Variants in DCC observed in about 807,000 individuals in gnomAD.
The protein encoded by DCC is netrin receptor DCC.
Under a neutral mutation model 172.5 loss-of-function variants are expected in DCC, and 58 were observed. The ratio of observed to expected loss-of-function variants is 0.34; its 90% CI spans 0.27 to 0.42. The LOEUF is 0.42. Among genes scored for constraint, DCC ranks in the 10% least tolerant of loss-of-function variants. The pLI, the probability that DCC is intolerant of heterozygous loss-of-function variation, is 1.00. For missense variants in DCC, 1,740 were observed against 1,791.0 expected (o/e 0.97, Z 0.51); for synonymous variants, 709 against 644.5 (o/e 1.10, Z -1.52).
intron 22 of DCC, among the ~76,000 whole-genome samples, chr18:53,441,554 C>A (rs905497783): frequency 6.6e-6 from 1 of 152,170 alleles, no homozygotes; most frequent in East Asian, 1.9e-4. Flanking sequence ...TCCCTCATCT[C>A]AAGACATGAG....
At chr18:53,212,770 A>G (rs1044194299) in intron 11 of DCC, among the ~76,000 whole-genome samples, 1 of 151,824 alleles carries the variant, frequency 6.6e-6, no homozygotes, top group Non-Finnish European at 1.5e-5. Context: ...TCCCAGGTTC[A>G]AGTGATTCTC....
intron 17 of DCC, among the ~76,000 whole-genome samples, chr18:53,393,672 A>T (rs994903374): frequency 3.9e-5 from 6 of 152,236 alleles, no homozygotes; most frequent in Non-Finnish European, 7.3e-5. Context: ...CGACTTTGCC[A>T]GAATGTGAAA....
At chr18:52,362,782 C>CG (rs952207396) in intron 1 of DCC, among the ~76,000 whole-genome samples, 3 of 137,182 alleles carry the variant, frequency 2.2e-5, no homozygotes, top group African/African-American at 1.0e-4. Context: ...TTCTTTTAGC[C>CG]CCCCCCACTC....
intron 2 of DCC, among the ~76,000 whole-genome samples, chr18:52,782,386 A>G (rs945619433): frequency 2.6e-5 from 4 of 152,124 alleles, no homozygotes; most frequent in African/African-American, 7.2e-5. Flanking sequence ...TATAATAATA[A>G]GTATTTACAA....
chr18:53,103,187 A>G (rs780358410), intron 7 of DCC, among the ~76,000 whole-genome samples: 1 of 152,054 alleles, frequency 6.6e-6, no homozygotes, highest in Non-Finnish European at 1.5e-5. Flanking sequence ...AGAACCTGAC[A>G]TAATTACATG....
At chr18:53,121,582 A>G (rs990002614) in intron 7 of DCC, among the ~76,000 whole-genome samples, 1 of 151,952 alleles carries the variant, frequency 6.6e-6, no homozygotes, top group African/African-American at 2.4e-5. Context: ...TATTTAACTT[A>G]TTAAAATGAT....
chr18:52,501,807 T>C (rs1445030703), intron 1 of DCC, among the ~76,000 whole-genome samples: 2 of 152,188 alleles, frequency 1.3e-5, no homozygotes, highest in African/African-American at 4.8e-5. Flanking sequence ...TCCTGGAGCA[T>C]GTGATAGAAA....
intron 5 of DCC, among the ~76,000 whole-genome samples, chr18:52,930,471 C>G (rs2040291354): frequency 6.6e-6 from 1 of 152,108 alleles, no homozygotes. Context: ...CCTTAAGTAT[C>G]TTTGTCATTT....
chr18:52,614,815 A>G (rs1005150013), intron 1 of DCC, among the ~76,000 whole-genome samples: 1 of 152,178 alleles, frequency 6.6e-6, no homozygotes, highest in Non-Finnish European at 1.5e-5. Context: ...TCTATAATGT[A>G]TCCTCAGCTG....
At chr18:52,611,417 C>T (rs755030104) in intron 1 of DCC, among the ~76,000 whole-genome samples, 8 of 152,050 alleles carry the variant, frequency 5.3e-5, no homozygotes, top group African/African-American at 1.2e-4. Flanking sequence ...TTCAGTACTC[C>T]GAGAGGCAGA....
intron 5 of DCC, among the ~76,000 whole-genome samples, chr18:52,966,912 G>A (rs866583082): frequency 4.6e-5 from 7 of 152,132 alleles, no homozygotes; most frequent in East Asian, 1.9e-4. Context: ...GTTGACATGC[G>A]TCTTTCCTGC....
intron 19 of DCC, among the ~76,000 whole-genome samples, chr18:53,408,471 A>G (rs1729691988): frequency 6.6e-6 from 1 of 152,218 alleles, no homozygotes; most frequent in Non-Finnish European, 1.5e-5. Context: ...TCTTCATCAA[A>G]GGCGAAAGAA....
At chr18:53,241,404 G>GGA (rs1368792942) in intron 12 of DCC, among the ~76,000 whole-genome samples, 1 of 152,092 alleles carries the variant, frequency 6.6e-6, no homozygotes, top group Non-Finnish European at 1.5e-5. Flanking sequence ...TTTCCCCCAC[G>GGA]GAGCAGCACC....
chr18:53,166,317 G>A (rs1301792679), intron 8 of DCC, among the ~76,000 whole-genome samples: 3 of 152,004 alleles, frequency 2.0e-5, no homozygotes, highest in East Asian at 3.9e-4. Context: ...ATACCTTTAC[G>A]ACCTTCAAAT....
At chr18:52,784,753 T>C (rs1173775189) in intron 2 of DCC, among the ~76,000 whole-genome samples, 2 of 152,038 alleles carry the variant, frequency 1.3e-5, no homozygotes, top group Admixed American at 6.6e-5. Flanking sequence ...CACTTTTTAA[T>C]AGTGATATGG....
chr18:52,392,476 G>A (rs1481751867), intron 1 of DCC, among the ~76,000 whole-genome samples: 1 of 152,108 alleles, frequency 6.6e-6, no homozygotes, highest in Non-Finnish European at 1.5e-5. Flanking sequence ...CCGATAGTGA[G>A]AAAGGGTAGT....
intron 1 of DCC, among the ~76,000 whole-genome samples, chr18:52,556,575 G>T (rs919522207): frequency 3.9e-5 from 6 of 152,072 alleles, no homozygotes; most frequent in Non-Finnish European, 5.9e-5. Flanking sequence ...CAGAACTCAT[G>T]ATTAGTGTCC....
At chr18:53,071,366 C>T (rs550250540) in intron 7 of DCC, among the ~76,000 whole-genome samples, 9 of 152,064 alleles carry the variant, frequency 5.9e-5, no homozygotes, top group South Asian at 2.1e-4. Flanking sequence ...AATGTATACA[C>T]GGTTTCCTCT....
At chr18:53,344,326 T>C (rs2057696688) in intron 15 of DCC, among the ~76,000 whole-genome samples, 1 of 152,084 alleles carries the variant, frequency 6.6e-6, no homozygotes, top group Admixed American at 6.6e-5. Context: ...CTAATTTTCC[T>C]GTGATGTGTT....
Sources: allele counts gnomAD v4.1 joint callset (sites outside exome capture counted in the v4.1 genomes callset), GRCh38; gene constraint gnomAD v4.1.1; transcripts MANE v1.5; gene names NCBI Gene and HGNC (gene_info 2026-07-23, HGNC 2026-07-21).